The following ASAP2 variants were observed in gnomAD, a reference collection of about 807,000 sequenced individuals.
ASAP2 encodes ArfGAP with SH3 domain, ankyrin repeat and PH domain 2.
A neutral mutation model predicts 131.4 loss-of-function variants in ASAP2; 45 were observed. That is an observed-to-expected ratio of 0.34 (90% CI 0.27 to 0.44). ASAP2 has a LOEUF of 0.44. Among genes scored for constraint, ASAP2 ranks in the 20% least tolerant of loss-of-function variants. The pLI is 1.00. For synonymous variants in ASAP2, 510 were observed against 503.0 expected (o/e 1.01, Z -0.19); for missense variants, 1,011 against 1,297.0 (o/e 0.78, Z 3.39).
chr2:9,347,192 A>G (rs1267262794), intron 11 of ASAP2, among the ~76,000 whole-genome samples: 2 of 152,160 alleles, frequency 1.3e-5, no homozygotes, highest in African/African-American at 2.4e-5. Flanking sequence ...CCCTCCGTTC[A>G]GTGGCTGAGT....
intron 1 of ASAP2, among the ~76,000 whole-genome samples, chr2:9,231,103 G>A (rs1240299722): frequency 6.6e-6 from 1 of 152,212 alleles, no homozygotes; most frequent in Non-Finnish European, 1.5e-5. Context: ...TCTTATGCCA[G>A]CCTGGGCAAG....
chr2:9,209,236 A>C (rs186904840), intron 1 of ASAP2, among the ~76,000 whole-genome samples: 3 of 152,258 alleles, frequency 2.0e-5, no homozygotes, highest in African/African-American at 7.2e-5. Context: ...GCAAATCTAC[A>C]TACATGCTAT....
chr2:9,323,068 C>A, intron 5 of ASAP2, 53 bp from the exon 6 acceptor site: 1 of 1,609,446 alleles, frequency 6.2e-7, no homozygotes, highest in Non-Finnish European at 8.5e-7. Flanking sequence ...AAGGCTGTCC[C>A]GTTGAGTTCT....
chr2:9,338,108 T>C (rs1671339673), intron 9 of ASAP2, among the ~76,000 whole-genome samples: 1 of 152,208 alleles, frequency 6.6e-6, no homozygotes, highest in South Asian at 2.1e-4. Flanking sequence ...GGATGGACCC[T>C]GTTGGGGTGC....
At chr2:9,211,050 G>A (rs1030035234) in intron 1 of ASAP2, among the ~76,000 whole-genome samples, 1 of 152,008 alleles carries the variant, frequency 6.6e-6, no homozygotes, top group Admixed American at 6.5e-5. Context: ...AGCTACTTGG[G>A]AGGCTGAGGC....
At chr2:9,345,975 G>A (rs1671936626) in intron 11 of ASAP2, among the ~76,000 whole-genome samples, 1 of 152,104 alleles carries the variant, frequency 6.6e-6, no homozygotes, top group Non-Finnish European at 1.5e-5. Context: ...ACCCAGTGGA[G>A]GGATTCTCGG....
intron 12 of ASAP2, 31 bp downstream of exon 12, chr2:9,350,926 G>A (rs768569120): frequency 6.5e-7 from 1 of 1,547,578 alleles, no homozygotes; most frequent in East Asian, 2.2e-5. Context: ...CCGCGCCATA[G>A]AGACGTTGTC....
At chr2:9,326,551 A>G (rs1053696253) in intron 6 of ASAP2, among the ~76,000 whole-genome samples, 8 of 152,228 alleles carry the variant, frequency 5.3e-5, no homozygotes, top group South Asian at 2.1e-4. Flanking sequence ...AAATATATAT[A>G]AAAGGAATTA....
intron 21 of ASAP2, among the ~76,000 whole-genome samples, chr2:9,386,574 C>T (rs1019567183): frequency 7.9e-5 from 12 of 152,180 alleles, no homozygotes; most frequent in Admixed American, 2.6e-4. Context: ...AGACAGCAGC[C>T]GTGGGCTTTG....
intron 9 of ASAP2, among the ~76,000 whole-genome samples, chr2:9,340,062 G>A (rs775704859): frequency 1.6e-4 from 24 of 152,256 alleles, no homozygotes; most frequent in Non-Finnish European, 2.2e-4. Flanking sequence ...TCCCTCTGTC[G>A]TCTAGGCTGG....
intron 24 of ASAP2, among the ~76,000 whole-genome samples, chr2:9,396,432 C>T (rs1253251784): frequency 6.6e-6 from 1 of 151,964 alleles, no homozygotes; most frequent in African/African-American, 2.4e-5. Flanking sequence ...CACCACCATG[C>T]CCGGTTAATT....
chr2:9,213,889 G>A (rs904908334), intron 1 of ASAP2, among the ~76,000 whole-genome samples: 31 of 152,208 alleles, frequency 2.0e-4, no homozygotes, highest in Admixed American at 1.7e-3. Context: ...TATAGGACTT[G>A]TGTTGGGACC....
At chr2:9,271,025 C>G (rs1355967850) in intron 1 of ASAP2, among the ~76,000 whole-genome samples, 3 of 151,654 alleles carry the variant, frequency 2.0e-5, no homozygotes, top group African/African-American at 7.3e-5. Context: ...GATCTCGTGA[C>G]CTCGTGATCC....
At chr2:9,226,004 G>T (rs1285258666) in intron 1 of ASAP2, among the ~76,000 whole-genome samples, 3 of 152,198 alleles carry the variant, frequency 2.0e-5, no homozygotes, top group Non-Finnish European at 4.4e-5. Context: ...TGGAGGAAAG[G>T]AGAAACAATG....
intron 4 of ASAP2, among the ~76,000 whole-genome samples, chr2:9,318,870 T>A (rs139237158): frequency 2.4e-4 from 36 of 152,324 alleles, no homozygotes; most frequent in Non-Finnish European, 3.7e-4. Flanking sequence ...TTGGAAAAAG[T>A]AAAGAGTTTC....
intron 3 of ASAP2, among the ~76,000 whole-genome samples, chr2:9,299,600 A>G (rs912812304): frequency 6.6e-6 from 1 of 152,178 alleles, no homozygotes; most frequent in African/African-American, 2.4e-5. Flanking sequence ...TTCCAAGAGG[A>G]TCATGGCGAA....
Position 9,356,208 on chromosome 2 carries a change from A to C in ASAP2, c.1190A>C (p.Glu397Ala). The C allele has an allele frequency of 6.2e-7, 1 of 1,614,092 alleles. No individual in the cohort carries two copies. Among genetic ancestry groups the C allele is most frequent in the Non-Finnish European group, 8.5e-7 (1 of 1,179,946 alleles). The change falls in exon 14 of 28, where the codon GAA becomes GCA. Residue 397 changes from glutamate (E) to alanine (A), a missense_variant. Physicochemically the swap from Glu to Ala is moderately radical, Grantham distance 107. This residue lies in a region of ASAP2 where 359 missense variants were observed against 598.1 expected (regional missense o/e 0.60). Transcript: ENST00000281419. The part of the protein sequence containing the change: ...IWMSVLQNSK[E>A]EALNNAFKGD... ...ATGTCTGTGCTGCAAAATAGCAAAG[A>C]AGAAGCTTTAAACAATGCATTTAAG...
chr2:9,270,874 G>A (rs867591610), intron 1 of ASAP2, among the ~76,000 whole-genome samples: 1 of 134,278 alleles, frequency 7.4e-6, no homozygotes, highest in African/African-American at 2.8e-5. Context: ...CTCACTGCAA[G>A]CCCCGCCTCC....
chr2:9,213,002 C>G (rs1057103584), intron 1 of ASAP2, among the ~76,000 whole-genome samples: 1 of 152,216 alleles, frequency 6.6e-6, no homozygotes, highest in African/African-American at 2.4e-5. Flanking sequence ...CTGGGTGGGG[C>G]TTCGAGCCTT....
Sources: allele counts gnomAD v4.1 joint callset (sites outside exome capture counted in the v4.1 genomes callset), GRCh38; gene constraint gnomAD v4.1.1; regional missense constraint gnomAD v4.1.1; transcripts MANE v1.5; gene names NCBI Gene and HGNC (gene_info 2026-07-23, HGNC 2026-07-21).